The following DIAPH2 variants were observed in gnomAD, a reference collection of about 807,000 sequenced individuals.
DIAPH2 encodes the protein diaphanous related formin 2, also known as protein diaphanous homolog 2.
In DIAPH2, 35 loss-of-function variants were observed where a neutral mutation model predicts 92.7. That is an observed-to-expected ratio of 0.38 (90% CI 0.29 to 0.50). The LOEUF is 0.50. Ranked by LOEUF, DIAPH2 falls within the 20% of genes least tolerant of loss-of-function variation. The probability of loss-of-function intolerance (pLI) is 0.94; values close to 1 mark genes in which losing one functional copy is unlikely to be tolerated. For missense variants in DIAPH2, 701 were observed against 819.5 expected, an observed-to-expected ratio of 0.86 and a Z score of 1.77; for synonymous variants, 301 against 280.4, an observed-to-expected ratio of 1.07 and a Z score of -0.73.
intron 22 of DIAPH2, among the ~76,000 whole-genome samples, chrX:97,185,207 C>T (rs1342187204): frequency 4.4e-5 from 4 of 90,925 alleles, no homozygotes; most frequent in Admixed American, 2.7e-4. Flanking sequence ...GGCTGAGGCA[C>T]GAGAATCGCC....
chrX:97,012,980 C>A (rs1390610502), intron 17 of DIAPH2, among the ~76,000 whole-genome samples: 1 of 112,149 alleles, frequency 8.9e-6, no homozygotes, highest in Non-Finnish European at 1.9e-5. Flanking sequence ...CATATCCCAC[C>A]TCTCAAACTA....
chrX:97,187,722 A>C (rs142582050), intron 22 of DIAPH2, among the ~76,000 whole-genome samples: 285 of 111,570 alleles, frequency 2.6e-3, no homozygotes, highest in African/African-American at 8.8e-3. Context: ...CAATATAAGT[A>C]AGGAGTTTTT....
At chrX:97,078,499 T>G (rs1365892385) in intron 19 of DIAPH2, among the ~76,000 whole-genome samples, 1 of 111,430 alleles carries the variant, frequency 9.0e-6, no homozygotes, top group Non-Finnish European at 1.9e-5. Flanking sequence ...TACCTCTAAG[T>G]TTTTCACTAA....
At chrX:97,580,862 A>G (rs1366895138) in intron 26 of DIAPH2, among the ~76,000 whole-genome samples, 17 of 105,436 alleles carry the variant, frequency 1.6e-4, no homozygotes, top group Non-Finnish European at 3.0e-4. Flanking sequence ...TTATTGGTCT[A>G]TTCAGAGATT....
At chrX:96,931,853 C>G (rs1369165075) in intron 10 of DIAPH2, among the ~76,000 whole-genome samples, 1 of 110,925 alleles carries the variant, frequency 9.0e-6, no homozygotes, top group Non-Finnish European at 1.9e-5. Flanking sequence ...ATGATTGGGT[C>G]CACCTGGTTT....
chrX:97,265,446 A>C (rs1193255692), intron 23 of DIAPH2, among the ~76,000 whole-genome samples: 1 of 111,746 alleles, frequency 8.9e-6, no homozygotes. Flanking sequence ...TTTGGGATTC[A>C]GTGCTATGTT....
At position 97,486,019 on chromosome X, in the gene DIAPH2, T is replaced by TAA. The variant is rs59648553; in HGVS notation, c.3241+56286_3241+56287dup. ...TCTGTTCCTCTGTGTGTACCGAAAATAAAAAAAAAAAAAGAAATAATGCTA... is the reference window on the plus strand; with the variant it reads ...TCTGTTCCTCTGTGTGTACCGAAAATAAAAAAAAAAAAAAAGAAATAATGCTA... On this transcript the variant is annotated intron_variant, in intron 26 of 26. Coordinates refer to ENST00000324765, the MANE Select transcript of DIAPH2 (RefSeq NM_006729.5). 1.7e-3 allele frequency among the ~76,000 whole-genome samples: 155 copies of TAA among 93,165 alleles called. 1 individual carries two copies. Among genetic ancestry groups the TAA allele is most frequent in the African/African-American group, 4.9e-3 (124 of 25,403 alleles). The allele number at this position is 93,165 out of a possible 115,157, so 80.9% of individuals were successfully genotyped here.
At chrX:96,962,432 T>TATATATACACAC (rs1228568447) in intron 16 of DIAPH2, among the ~76,000 whole-genome samples, 1 of 63,010 alleles carries the variant, frequency 1.6e-5, no homozygotes, top group Non-Finnish European at 2.9e-5. Context: ...TATATATACA[T>TATATATACACAC]ATATATATAC....
intron 22 of DIAPH2, among the ~76,000 whole-genome samples, chrX:97,160,068 G>A (rs1344182159): frequency 2.8e-5 from 3 of 107,125 alleles, no homozygotes; most frequent in Non-Finnish European, 3.9e-5. Flanking sequence ...TTCTGGGCAA[G>A]GGTGTTTAAG....
At chrX:97,096,281 T>G (rs1359300634) in intron 19 of DIAPH2, among the ~76,000 whole-genome samples, 12 of 112,422 alleles carry the variant, frequency 1.1e-4, no homozygotes, top group Non-Finnish European at 2.3e-4. Context: ...AAGCATTAAA[T>G]TCAAAAGCTA....
chrX:96,685,245 C>T (rs1439718564), intron 1 of DIAPH2, 55 bp downstream of exon 1: 5 of 970,873 alleles, frequency 5.1e-6, no homozygotes, highest in African/African-American at 2.0e-5. Context: ...CCCCGGGATC[C>T]TCCTGCCATT....
chrX:97,386,236 A>G (rs759343131), intron 25 of DIAPH2, among the ~76,000 whole-genome samples: 34 of 112,517 alleles, frequency 3.0e-4, no homozygotes, highest in South Asian at 1.5e-3. Flanking sequence ...AACATAATTT[A>G]GCAAACGAAC....
chrX:96,756,362 A>G (rs1352531847), intron 3 of DIAPH2, among the ~76,000 whole-genome samples: 1 of 111,765 alleles, frequency 8.9e-6, no homozygotes, highest in Non-Finnish European at 1.9e-5. Flanking sequence ...GACATTTAAT[A>G]TGAATAGAAT....
chrX:96,849,959 C>CT (rs67492020), intron 4 of DIAPH2, among the ~76,000 whole-genome samples: 10 of 105,355 alleles, frequency 9.5e-5, no homozygotes, highest in Non-Finnish European at 1.8e-4. Context: ...TCAGAAAAGA[C>CT]TTTTTTTTTT....
chrX:96,814,283 A>G (rs1228691654), intron 4 of DIAPH2, among the ~76,000 whole-genome samples: 9 of 111,442 alleles, frequency 8.1e-5, no homozygotes, highest in Non-Finnish European at 1.5e-4. Flanking sequence ...TTGATCTTCA[A>G]TCACTGATAC....
At chrX:97,455,416 G>C (rs2047791672) in intron 26 of DIAPH2, among the ~76,000 whole-genome samples, 1 of 111,933 alleles carries the variant, frequency 8.9e-6, no homozygotes, top group Admixed American at 9.5e-5. Context: ...CAAATGTGAT[G>C]TTTCTACCGT....
At chrX:97,461,856 T>G (rs541337344) in intron 26 of DIAPH2, among the ~76,000 whole-genome samples, 4 of 111,818 alleles carry the variant, frequency 3.6e-5, no homozygotes, top group African/African-American at 1.3e-4. Context: ...TTATTTAAAA[T>G]AGCATAAAAG....
intron 1 of DIAPH2, among the ~76,000 whole-genome samples, chrX:96,708,516 AG>A (rs1345498343): frequency 9.0e-6 from 1 of 111,128 alleles, no homozygotes; most frequent in East Asian, 2.9e-4. Context: ...CTGGGATTAG[AG>A]GCGTGAGCCA....
intron 20 of DIAPH2, among the ~76,000 whole-genome samples, chrX:97,101,062 T>G (rs2066902827): frequency 8.9e-6 from 1 of 112,112 alleles, no homozygotes; most frequent in South Asian, 3.7e-4. Context: ...TAGATATCAT[T>G]TGTTAACTAA....
Sources: allele counts gnomAD v4.1 joint callset (sites outside exome capture counted in the v4.1 genomes callset), GRCh38; gene constraint gnomAD v4.1.1; transcripts MANE v1.5; gene names NCBI Gene and HGNC (gene_info 2026-07-23, HGNC 2026-07-21).